DOK6: variants seen among roughly 807,000 people sequenced by gnomAD.
DOK6 encodes the protein docking protein 6.
A neutral mutation model predicts 44.0 loss-of-function variants in DOK6; 22 were observed. The ratio of observed to expected loss-of-function variants is 0.50; its 90% CI spans 0.36 to 0.71. The LOEUF (loss-of-function observed/expected upper bound fraction) is 0.71. Ranked by LOEUF, DOK6 falls within the 30% of genes least tolerant of loss-of-function variation. The pLI, the probability that DOK6 is intolerant of heterozygous loss-of-function variation, is 0.00. For synonymous variants in DOK6, 166 were observed against 145.5 expected (o/e 1.14, Z -1.01); for missense variants, 340 against 416.4 (o/e 0.82, Z 1.60).
At chr18:69,522,684 TTAAC>T (rs1981720505) in intron 1 of DOK6, among the ~76,000 whole-genome samples, 1 of 152,082 alleles carries the variant, frequency 6.6e-6, no homozygotes, top group Non-Finnish European at 1.5e-5. Context: ...GATTTATTAG[TTAAC>T]TAACTAGGTT....
chr18:69,595,204 A>T (rs888988691), intron 2 of DOK6, among the ~76,000 whole-genome samples: 6 of 152,302 alleles, frequency 3.9e-5, no homozygotes, highest in Middle Eastern at 3.4e-3. Flanking sequence ...TGCAATCCCT[A>T]TCAAGTTACC....
chr18:69,660,446 A>G (rs1006163897), intron 3 of DOK6: 2 of 152,196 alleles, frequency 1.3e-5, no homozygotes, highest in African/African-American at 4.8e-5. Flanking sequence ...TTATCGTGGT[A>G]TGCGCTAGTG....
At chr18:69,813,328 A>AGGTTGAACGT (rs1981298858) in intron 7 of DOK6, among the ~76,000 whole-genome samples, 1 of 152,166 alleles carries the variant, frequency 6.6e-6, no homozygotes, top group South Asian at 2.1e-4. Flanking sequence ...GGGAGTTTCC[A>AGGTTGAACGT]GGTTGAACGT....
intron 1 of DOK6, among the ~76,000 whole-genome samples, chr18:69,475,497 T>C (rs1052326771): frequency 7.9e-5 from 12 of 152,208 alleles, no homozygotes; most frequent in African/African-American, 2.7e-4. Flanking sequence ...AGTTTAACTT[T>C]TGCAGAGAGA....
At chr18:69,508,240 TG>T (rs1339860501) in intron 1 of DOK6, among the ~76,000 whole-genome samples, 4 of 152,166 alleles carry the variant, frequency 2.6e-5, no homozygotes, top group Non-Finnish European at 5.9e-5. Context: ...GCATTTTGTA[TG>T]TTGTTGGTAA....
At position 69,585,298 on chromosome 18, in the gene DOK6, A is replaced by G. The variant is rs1420248064; in HGVS notation, c.175-14086A>G. On this transcript the variant is annotated intron_variant, in intron 2 of 7. Transcript: ENST00000382713. ...CTATTTATTTTTATATATGTAGAAT[A>G]TTTAATTATCTTATTATAAATTTTA... Among the ~76,000 whole-genome samples the G allele has an allele frequency of 2.0e-5, 3 of 151,754 alleles. No individual in the cohort carries two copies. The East Asian group carries it at 5.8e-4, about 29-fold the overall frequency.
chr18:69,640,026 C>T (rs1488458005), intron 3 of DOK6, among the ~76,000 whole-genome samples: 2 of 152,108 alleles, frequency 1.3e-5, no homozygotes, highest in Non-Finnish European at 2.9e-5. Flanking sequence ...TCTTAGATAC[C>T]ATTTTAACCA....
At chr18:69,725,702 G>A (rs886401634) in intron 5 of DOK6, among the ~76,000 whole-genome samples, 1 of 152,098 alleles carries the variant, frequency 6.6e-6, no homozygotes, top group Non-Finnish European at 1.5e-5. Context: ...TGGCCAAGCT[G>A]GTCTCGAACT....
chr18:69,552,472 T>C (rs1282684664), intron 1 of DOK6, among the ~76,000 whole-genome samples: 1 of 152,126 alleles, frequency 6.6e-6, no homozygotes, highest in Admixed American at 6.6e-5. Flanking sequence ...TAGGAACCTG[T>C]TTGGAAATAT....
intron 3 of DOK6, among the ~76,000 whole-genome samples, chr18:69,654,175 G>A (rs1007354068): frequency 6.6e-6 from 1 of 152,028 alleles, no homozygotes; most frequent in East Asian, 1.9e-4. Context: ...CAGAAGAAAA[G>A]AGCAAAAAAA....
chr18:69,667,761 A>T (rs1367078936), intron 3 of DOK6, among the ~76,000 whole-genome samples: 1 of 151,896 alleles, frequency 6.6e-6, no homozygotes, highest in Non-Finnish European at 1.5e-5. Context: ...GAACTGTGGG[A>T]GTATCTCAGG....
rs1162077756 is a variant in DOK6 at position 69,401,236 on chromosome 18, G to T, written c.-9G>T. ...GATCGCGGGGCGCAGGAGCCCGATCGCGCTGGCCATGGCCTCCAACTTTAA... is the reference window on the plus strand; with the variant it reads ...GATCGCGGGGCGCAGGAGCCCGATCTCGCTGGCCATGGCCTCCAACTTTAA... On this transcript the variant is annotated 5_prime_UTR_variant, in exon 1 of 8. Transcript: ENST00000382713. The T allele has an allele frequency of 6.4e-7, 1 of 1,559,776 alleles. No individual in the cohort carries two copies. The highest frequency in any genetic ancestry group is 1.9e-5 in the Admixed American group (1 of 53,710).
chr18:69,741,475 C>T (rs1452274400), intron 6 of DOK6, among the ~76,000 whole-genome samples: 1 of 152,118 alleles, frequency 6.6e-6, no homozygotes, highest in African/African-American at 2.4e-5. Flanking sequence ...TTATAGATAC[C>T]TCAACATGCA....
intron 1 of DOK6, among the ~76,000 whole-genome samples, chr18:69,438,051 G>C (rs897210596): frequency 6.6e-6 from 1 of 152,196 alleles, no homozygotes; most frequent in African/African-American, 2.4e-5. Context: ...TTGCCTCAAT[G>C]TTGATGGCTG....
At chr18:69,626,674 C>G (rs1179577732) in intron 3 of DOK6, among the ~76,000 whole-genome samples, 1 of 152,190 alleles carries the variant, frequency 6.6e-6, no homozygotes, top group African/African-American at 2.4e-5. Context: ...TAAACTTTCT[C>G]ATAGCTTCAT....
chr18:69,625,581 G>A (rs1984540539), intron 3 of DOK6, among the ~76,000 whole-genome samples: 1 of 152,172 alleles, frequency 6.6e-6, no homozygotes, highest in Non-Finnish European at 1.5e-5. Flanking sequence ...GTTCATGTGT[G>A]TAAGTTCAAA....
chr18:69,503,303 A>T (rs562777630), intron 1 of DOK6, among the ~76,000 whole-genome samples: 6 of 152,114 alleles, frequency 3.9e-5, no homozygotes, highest in Non-Finnish European at 7.4e-5. Flanking sequence ...TTTCCAGTTG[A>T]CATAGAGACC....
chr18:69,456,655 G>A (rs1979641378), intron 1 of DOK6, among the ~76,000 whole-genome samples: 1 of 152,052 alleles, frequency 6.6e-6, no homozygotes, highest in South Asian at 2.1e-4. Flanking sequence ...TATTCTTTTG[G>A]GTCTATACCC....
intron 1 of DOK6, among the ~76,000 whole-genome samples, chr18:69,526,875 A>G (rs1599174176): frequency 6.6e-6 from 1 of 152,208 alleles, no homozygotes; most frequent in East Asian, 1.9e-4. Context: ...ATATTTTTAC[A>G]TGGAACCATC....
Sources: gnomAD v4.1 joint callset for allele counts (sites outside exome capture counted in the v4.1 genomes callset) on GRCh38, gnomAD v4.1.1 for gene constraint, MANE v1.5 for transcripts, NCBI Gene and HGNC (gene_info 2026-07-23, HGNC 2026-07-21) for gene names.